CACNA1D: variants seen among roughly 807,000 people sequenced by gnomAD.
CACNA1D encodes the protein calcium voltage-gated channel subunit alpha1 D.
Under a neutral mutation model 257.1 loss-of-function variants are expected in CACNA1D, and 55 were observed. The observed-to-expected ratio is 0.21, with a 90% CI of 0.17 to 0.27. The LOEUF (loss-of-function observed/expected upper bound fraction) is 0.27. CACNA1D is among the 10% of genes least tolerant of loss of function. The pLI, the probability that CACNA1D is intolerant of heterozygous loss-of-function variation, is 1.00. For missense variants in CACNA1D, 1,876 were observed against 2,784.0 expected (o/e 0.67, Z 7.34); for synonymous variants, 980 against 1,014.9 (o/e 0.97, Z 0.65).
At chr3:53,787,425 C>CTGTGTGCGTG (rs2095460223) in intron 40 of CACNA1D, among the ~76,000 whole-genome samples, 1 of 136,150 alleles carries the variant, frequency 7.3e-6, no homozygotes, top group Admixed American at 7.4e-5. Flanking sequence ...AGTATGTATT[C>CTGTGTGCGTG]TGTGTGTGTG....
At chr3:53,532,977 CT>C (rs2091997344) in intron 3 of CACNA1D, among the ~76,000 whole-genome samples, 1 of 152,184 alleles carries the variant, frequency 6.6e-6, no homozygotes, top group South Asian at 2.1e-4. Context: ...TTGGCCACAA[CT>C]GCACAGCCAG....
At position 53,810,041 on chromosome 3, in the gene CACNA1D, CG is replaced by C; in HGVS notation, c.5937del (p.Ser1980ArgfsTer21). The C allele has an allele frequency of 6.2e-7, 1 of 1,614,014 alleles. No homozygotes were observed. The highest frequency in any genetic ancestry group is 8.5e-7 in the Non-Finnish European group (1 of 1,180,018). ...GAAGTACTCACCGAGTCACTCGACC[CG>C]GTCGTGGGCCACCCCTCCAGCAACC... The part of the protein sequence containing the change: ...AQKYSPSHST[R>X]SWATPPATPP... On this transcript the variant is annotated frameshift_variant, in exon 47 of 48. Transcript: ENST00000350061. LOFTEE classifies it high-confidence loss of function.
rs1007541295 is a variant in CACNA1D, at chr3:53,732,685, A to T, written c.2474-130A>T. On this transcript the variant is annotated intron_variant, in intron 18 of 47. Coordinates refer to ENST00000350061, the MANE Select transcript of CACNA1D (RefSeq NM_001128840.3). ...TCAGTCCATGTTCTGAAGGAGCAGGAGGGTTTTGATTCATGTAAGCAGGTA... is the reference window on the plus strand; with the variant it reads ...TCAGTCCATGTTCTGAAGGAGCAGGTGGGTTTTGATTCATGTAAGCAGGTA... 154 of 845,344 alleles carry T rather than the reference A, an allele frequency of 1.8e-4. 1 individual carries two copies. The highest frequency in any genetic ancestry group is 1.6e-3 in the Admixed American group (92 of 58,400). 52.4% of individuals were successfully genotyped at this position (845,344 alleles called of 1,614,324 possible). A position where few individuals can be genotyped will look rare whatever the true frequency, so the allele number is the denominator to read the frequency against.
intron 3 of CACNA1D, among the ~76,000 whole-genome samples, chr3:53,599,580 T>G (rs955750280): frequency 6.6e-6 from 1 of 152,202 alleles, no homozygotes. Context: ...TGTGAGACCC[T>G]GACAATTTAC....
chr3:53,616,410 T>A (rs917552662), intron 3 of CACNA1D, among the ~76,000 whole-genome samples: 1 of 152,164 alleles, frequency 6.6e-6, no homozygotes, highest in Non-Finnish European at 1.5e-5. Flanking sequence ...ACATTCCCAG[T>A]CTGTGTCTTC....
chr3:53,751,778 A>C lies in CACNA1D; in HGVS notation c.3546A>C (p.Ala1182=), dbSNP rs981836056. ...AGTGTGTTGAATACGCCTTGAAAGCACGTCCCTTGCGGAGATACATCCCCA... is the reference window on the plus strand; with the variant it reads ...AGTGTGTTGAATACGCCTTGAAAGCCCGTCCCTTGCGGAGATACATCCCCA... The part of the protein sequence containing the change: ...QRQCVEYALK[A]RPLRRYIPKN... The change falls in exon 28 of 48, where the codon GCA becomes GCC. Residue 1182 remains alanine, a synonymous_variant. Coordinates refer to ENST00000350061, the MANE Select transcript of CACNA1D (RefSeq NM_001128840.3). This position sits in a 1 kb window ranked among gnomAD's most constrained non-coding sequence, Gnocchi z 4.3. 1 of 1,614,166 alleles carries C rather than the reference A, an allele frequency of 6.2e-7. No homozygotes were observed. Among genetic ancestry groups the C allele is most frequent in the African/African-American group, 1.3e-5 (1 of 75,040 alleles).
intron 3 of CACNA1D, among the ~76,000 whole-genome samples, chr3:53,516,298 T>C (rs2091331231): frequency 1.3e-5 from 2 of 152,210 alleles, no homozygotes; most frequent in African/African-American, 4.8e-5. Flanking sequence ...GTTTTGAGAA[T>C]CAGTCACACG....
rs957151844 is a variant in CACNA1D at position 53,749,652 on chromosome 3, C to T, written c.3516+183C>T. 2.6e-5 allele frequency among the ~76,000 whole-genome samples: 4 copies of T among 152,288 alleles called. No homozygotes were observed. In the South Asian group the frequency reaches 6.2e-4, roughly 24 times the overall value. On this transcript the variant is annotated intron_variant, in intron 27 of 47. Transcript: ENST00000350061. ...CATCACTGCTGAGCGTTAGGTTTCC[C>T]GATACATATGAGACTTTGTAATTAT...
intron 9 of CACNA1D, among the ~76,000 whole-genome samples, chr3:53,703,181 G>A (rs2094645284): frequency 6.6e-6 from 1 of 152,238 alleles, no homozygotes; most frequent in Non-Finnish European, 1.5e-5. Context: ...AGAGTGAACA[G>A]TGTTATTGGA....
At chr3:53,566,972 C>T (rs1031759058) in intron 3 of CACNA1D, among the ~76,000 whole-genome samples, 1 of 152,204 alleles carries the variant, frequency 6.6e-6, no homozygotes, top group South Asian at 2.1e-4. Context: ...AGAAGGCATG[C>T]GGGTAGCAGT....
Position 53,731,784 on chromosome 3 carries a change from G to A in CACNA1D, c.2407-232G>A, listed in dbSNP as rs375279176. ...GGGCAAGGACAGAGCCCTGAATGGT[G>A]CTGGCTAACCACGACTGGGTCAGGG... On this transcript the variant is annotated intron_variant, in intron 17 of 47. Transcript: ENST00000350061. Among the ~76,000 whole-genome samples the A allele has an allele frequency of 7.9e-5, 12 of 152,342 alleles. No homozygotes were observed. In the East Asian group the frequency reaches 2.3e-3, roughly 29 times the overall value.
At chr3:53,651,361 A>ATTTTTTTT (rs1576235107) in intron 4 of CACNA1D, among the ~76,000 whole-genome samples, 136 of 56,976 alleles carry the variant, frequency 2.4e-3, no homozygotes, top group Middle Eastern at 0.011. Flanking sequence ...AAAGCTATTA[A>ATTTTTTTT]TTTTCTTTTT....
In CACNA1D at chr3:53,689,282, G is replaced by A. The variant is rs189891040; in HGVS notation, c.1221-13359G>A. Among the ~76,000 whole-genome samples the A allele has an allele frequency of 8.5e-3, 1,277 of 150,148 alleles. 19 individuals are homozygous for A. The highest frequency in any genetic ancestry group is 0.02 in the Middle Eastern group (6 of 294). ...AATGGTGAGGCTGCCAGGGTGCTCC[G>A]TGCTGGCTGGTGAGCAGTGGGCAGA... is the stretch of plus-strand genomic sequence containing the variant. On this transcript the variant is annotated intron_variant, in intron 8 of 47. Coordinates refer to ENST00000350061, the MANE Select transcript of CACNA1D (RefSeq NM_001128840.3).
chr3:53,805,722 C>T (rs747586196), intron 45 of CACNA1D, among the ~76,000 whole-genome samples: 2 of 150,982 alleles, frequency 1.3e-5, no homozygotes, highest in Non-Finnish European at 3.0e-5. Context: ...CCTCCTCCTC[C>T]TCCATCTTCC....
chr3:53,784,502 A>C lies in CACNA1D; in HGVS notation c.4793-2320A>C, dbSNP rs2095442539. 2.0e-5 allele frequency among the ~76,000 whole-genome samples: 3 copies of C among 152,310 alleles called. No individual in the cohort carries two copies. In the South Asian group the frequency reaches 6.2e-4, roughly 32 times the overall value. On this transcript the variant is annotated intron_variant, in intron 39 of 47. Transcript: ENST00000350061. The stretch of plus-strand genomic sequence containing the variant: ...AATTAGCACAGTGTCTCAATGGAGA[A>C]GACGAAGTGACCCTTGAGTTCTCTC...
chr3:53,674,854 G>A (rs2094358811), intron 8 of CACNA1D, among the ~76,000 whole-genome samples: 1 of 152,222 alleles, frequency 6.6e-6, no homozygotes, highest in African/African-American at 2.4e-5. Context: ...GCACCCTCAG[G>A]AAGTAGTGTT....
At chr3:53,749,594 C>G (rs775104573) in intron 27 of CACNA1D, 125 bp downstream of exon 27, 65 of 738,126 alleles carry the variant, frequency 8.8e-5, no homozygotes, top group Non-Finnish European at 1.4e-4. Flanking sequence ...GGGCTAGGGC[C>G]CTGTTCTAAG....
At chr3:53,621,370 G>T (rs952717729) in intron 3 of CACNA1D, among the ~76,000 whole-genome samples, 1 of 152,174 alleles carries the variant, frequency 6.6e-6, no homozygotes, top group African/African-American at 2.4e-5. Context: ...TGTGTCCAGA[G>T]CCAGCCCTGG....
intron 3 of CACNA1D, among the ~76,000 whole-genome samples, chr3:53,605,748 G>C (rs1476385166): frequency 6.6e-6 from 1 of 152,190 alleles, no homozygotes; most frequent in Non-Finnish European, 1.5e-5. Flanking sequence ...CTATGATGCA[G>C]GTCTGTTCTC....
Sources: gnomAD v4.1 joint callset for allele counts (sites outside exome capture counted in the v4.1 genomes callset) on GRCh38, gnomAD v4.1.1 for gene constraint, Gnocchi (gnomAD v3.1) non-coding constraint, MANE v1.5 for transcripts, NCBI Gene and HGNC (gene_info 2026-07-23, HGNC 2026-07-21) for gene names.